Variants in SHISA9 observed in about 807,000 individuals in gnomAD.
SHISA9 encodes protein shisa-9.
Under a neutral mutation model 38.0 loss-of-function variants are expected in SHISA9, and 13 were observed. That is an observed-to-expected ratio of 0.34 (90% CI 0.22 to 0.54). The LOEUF (loss-of-function observed/expected upper bound fraction) is 0.54, where lower values mean the gene tolerates loss of function less well. Among genes scored for constraint, SHISA9 ranks in the 20% least tolerant of loss-of-function variants. The pLI, the probability that SHISA9 is intolerant of heterozygous loss-of-function variation, is 0.91. For missense variants in SHISA9, 538 were observed against 575.8 expected (o/e 0.93, Z 0.67); for synonymous variants, 275 against 242.0 (o/e 1.14, Z -1.27).
At chr16:13,150,375 A>C (rs1405124467) in intron 2 of SHISA9, among the ~76,000 whole-genome samples, 3 of 152,120 alleles carry the variant, frequency 2.0e-5, no homozygotes, top group Non-Finnish European at 4.4e-5. Flanking sequence ...GTTTCCTCTG[A>C]TCTGTCACTG....
intron 2 of SHISA9, among the ~76,000 whole-genome samples, chr16:13,160,643 G>A (rs2050587016): frequency 6.6e-6 from 1 of 152,174 alleles, no homozygotes. Context: ...AAAATCTGAT[G>A]AGAAAATTTT....
the SHISA9 span, among the ~76,000 whole-genome samples, chr16:13,545,813 T>C: frequency 6.6e-6 from 1 of 152,144 alleles, no homozygotes; most frequent in African/African-American, 2.4e-5. Context: ...GCTTCTACTA[T>C]CACACGGTGT....
At chr16:13,054,198 T>C (rs1268694614) in intron 2 of SHISA9, among the ~76,000 whole-genome samples, 4 of 152,348 alleles carry the variant, frequency 2.6e-5, no homozygotes, top group African/African-American at 9.6e-5. Flanking sequence ...ATTCAAACAC[T>C]GGCCTTAAGC....
intron 2 of SHISA9, among the ~76,000 whole-genome samples, chr16:13,049,350 G>A (rs977134286): frequency 2.6e-5 from 4 of 152,166 alleles, no homozygotes; most frequent in African/African-American, 9.7e-5. Flanking sequence ...TTGACCAGAT[G>A]ACGTAGGATT....
At chr16:13,038,147 G>A (rs1463300434) in intron 2 of SHISA9, among the ~76,000 whole-genome samples, 1 of 152,044 alleles carries the variant, frequency 6.6e-6, no homozygotes, top group Non-Finnish European at 1.5e-5. Context: ...GCACCATCAT[G>A]CCTGGCTAAT....
chr16:13,477,224 A>G, the SHISA9 span, among the ~76,000 whole-genome samples: 4 of 152,350 alleles, frequency 2.6e-5, no homozygotes, highest in East Asian at 7.7e-4. Flanking sequence ...AAATATAATC[A>G]TAAACAATTA....
At chr16:13,460,812 A>G in the SHISA9 span, among the ~76,000 whole-genome samples, 1 of 152,124 alleles carries the variant, frequency 6.6e-6, no homozygotes, top group Non-Finnish European at 1.5e-5. Flanking sequence ...TGGATTTGTA[A>G]TGATGCAGAA....
At chr16:13,242,664 C>G (rs755357269), downstream of SHISA9, among the ~76,000 whole-genome samples, 3 of 152,132 alleles carry the variant, frequency 2.0e-5, no homozygotes, top group Non-Finnish European at 4.4e-5. Context: ...CTATCCTTTC[C>G]TGCAACTCCA....
At chr16:13,520,771 G>A in the SHISA9 span, among the ~76,000 whole-genome samples, 6 of 151,886 alleles carry the variant, frequency 4.0e-5, no homozygotes, top group Admixed American at 6.6e-5. Flanking sequence ...ACAAGAAGTC[G>A]ACTAAGTGAT....
chr16:13,234,639 G>T (rs2051362905), intron 4 of SHISA9, among the ~76,000 whole-genome samples: 1 of 152,150 alleles, frequency 6.6e-6, no homozygotes, highest in Non-Finnish European at 1.5e-5. Context: ...GTCATAGATA[G>T]GAAGATCACT....
chr16:13,203,620 T>C, intron 3 of SHISA9, 71 bp downstream of exon 3: 1 of 1,356,908 alleles, frequency 7.4e-7, no homozygotes, highest in South Asian at 1.9e-5. Flanking sequence ...TGTAGATCTC[T>C]TTATCTCCAG....
intron 2 of SHISA9, among the ~76,000 whole-genome samples, chr16:13,076,928 G>C (rs16961083): frequency 6.6e-6 from 1 of 152,098 alleles, no homozygotes; most frequent in Non-Finnish European, 1.5e-5. Flanking sequence ...TCATTTCCAC[G>C]AATTAAAATA....
At chr16:13,458,372 C>G in the SHISA9 span, 1 of 371,482 alleles carries the variant, frequency 2.7e-6, no homozygotes, top group African/African-American at 2.2e-5. Flanking sequence ...TCTGTATCAG[C>G]AAATGGAAGC....
chr16:13,168,708 C>G (rs116176531), intron 2 of SHISA9, among the ~76,000 whole-genome samples: 1 of 152,202 alleles, frequency 6.6e-6, no homozygotes, highest in Non-Finnish European at 1.5e-5. Context: ...CCTAGTTTCT[C>G]GTATTCTGCA....
rs545130264 is a variant in SHISA9 at position 12,991,696 on chromosome 16, T to C, written c.691+74881T>C. On this transcript the variant is annotated intron_variant, in intron 2 of 4. Transcript: ENST00000558583. ...GAGGAAGATGAGCTGAGTCAATCTT[T>C]TCTTCAGAGGAATTTAGAATGGCAC... 2.6e-5 allele frequency among the ~76,000 whole-genome samples: 4 copies of C among 152,310 alleles called. No homozygotes were observed. The South Asian group carries it at 8.3e-4, about 32-fold the overall frequency.
the SHISA9 span, chr16:13,458,286 C>T: frequency 8.5e-6 from 2 of 234,180 alleles, no homozygotes; most frequent in African/African-American, 4.7e-5. Context: ...ATGTGGCTCT[C>T]AGGGGATCAT....
the SHISA9 span, among the ~76,000 whole-genome samples, chr16:13,253,596 A>G: frequency 1.3e-5 from 2 of 152,124 alleles, no homozygotes; most frequent in Non-Finnish European, 2.9e-5. Flanking sequence ...CATTTATAAA[A>G]CCATCAGATC....
intron 2 of SHISA9, among the ~76,000 whole-genome samples, chr16:12,979,683 CT>C (rs1854883662): frequency 6.6e-6 from 1 of 151,684 alleles, no homozygotes; most frequent in South Asian, 2.1e-4. Context: ...CTTTTTTTTC[CT>C]CACTTACTAA....
chr16:13,083,395 T>C (rs1208603488), intron 2 of SHISA9, among the ~76,000 whole-genome samples: 1 of 152,176 alleles, frequency 6.6e-6, no homozygotes, highest in African/African-American at 2.4e-5. Flanking sequence ...AGGGCTTCAC[T>C]TTGCATCTTA....
Sources: allele counts gnomAD v4.1 joint callset (sites outside exome capture counted in the v4.1 genomes callset), GRCh38; gene constraint gnomAD v4.1.1; transcripts MANE v1.5; gene names NCBI Gene and HGNC (gene_info 2026-07-23, HGNC 2026-07-21).